CUX1: variants seen among roughly 807,000 people sequenced by gnomAD.
The protein encoded by CUX1 is protein CASP.
In CUX1, 31 loss-of-function variants were observed where a neutral mutation model predicts 158.8. That is an observed-to-expected ratio of 0.20 (90% CI 0.15 to 0.26). The LOEUF (loss-of-function observed/expected upper bound fraction) is 0.26, where lower values mean the gene tolerates loss of function less well. CUX1 is among the 10% of genes least tolerant of loss of function. The pLI, the probability that CUX1 is intolerant of heterozygous loss-of-function variation, is 1.00. For synonymous variants in CUX1, 879 were observed against 862.1 expected (o/e 1.02, Z -0.34); for missense variants, 1,589 against 2,014.6 (o/e 0.79, Z 4.04).
At chr7:101,995,841 G>A (rs1183032845) in intron 2 of CUX1, among the ~76,000 whole-genome samples, 5 of 151,944 alleles carry the variant, frequency 3.3e-5, no homozygotes, top group East Asian at 1.9e-4. Context: ...GACCGGCTGC[G>A]GTGGCTCACG....
At chr7:102,203,837 C>T (rs1232870247) in intron 18 of CUX1, among the ~76,000 whole-genome samples, 1 of 152,096 alleles carries the variant, frequency 6.6e-6, no homozygotes, top group African/African-American at 2.4e-5. Flanking sequence ...CACTCCCAGG[C>T]CGGCTCCCCA....
In CUX1 at chr7:101,817,654, C is replaced by CGGAGCCAGGTTGAAGGT. The variant is rs1562878841; in HGVS notation, c.17_30+3dup. ...CTGCCAGGTGGATGTTGTGCGTAGC[C>CGGAGCCAGGTTGAAGGT]GGAGCCAGGTTGAAGGTGAGCGGCG... On this transcript the variant is annotated frameshift_variant, in exon 1 of 24. Transcript: ENST00000292535. LOFTEE classifies it high-confidence loss of function. This position sits in a 1 kb window ranked among gnomAD's most constrained non-coding sequence, Gnocchi z 4.1. The CGGAGCCAGGTTGAAGGT allele has an allele frequency of 6.4e-7, 1 of 1,552,290 alleles. No individual in the cohort carries two copies. Among genetic ancestry groups the CGGAGCCAGGTTGAAGGT allele is most frequent in the African/African-American group, 1.4e-5 (1 of 73,302 alleles).
intron 16 of CUX1, chr7:102,274,413 A>G (rs1285262635): frequency 1.9e-6 from 2 of 1,037,936 alleles, no homozygotes; most frequent in Admixed American, 2.2e-5. Context: ...CCTTCCTCTA[A>G]GAAGGTCAGG....
rs1234588695 is a variant in CUX1, at chr7:102,248,849, G to GCAA, written c.4328_4330dup (p.Asn1443dup). The stretch of plus-strand genomic sequence containing the variant: ...GCCCCGAGCTCCGCGCCGCCGCCCA[G>GCAA]CAACAGCAGCAGCAGCAGCGCCCCC... On this transcript the variant is annotated inframe_insertion, in exon 24 of 24. Coordinates refer to ENST00000292535, the MANE Select transcript of CUX1 (RefSeq NM_181552.4). The surrounding 1 kb of genome is among the most constrained non-coding windows in gnomAD (Gnocchi z 5.8). The GCAA allele has an allele frequency of 7.9e-7, 1 of 1,264,440 alleles. No individual in the cohort carries two copies. Among genetic ancestry groups the GCAA allele is most frequent in the Non-Finnish European group, 1.0e-6 (1 of 998,706 alleles). 78.3% of individuals were successfully genotyped at this position (1,264,440 alleles called of 1,614,324 possible).
intron 8 of CUX1, among the ~76,000 whole-genome samples, chr7:102,152,630 G>A (rs1835813274): frequency 6.6e-6 from 1 of 152,220 alleles, no homozygotes; most frequent in African/African-American, 2.4e-5. Flanking sequence ...GACCTCAGGT[G>A]ATCCACCTGC....
intron 1 of CUX1, among the ~76,000 whole-genome samples, chr7:101,876,962 C>G (rs1799209117): frequency 6.6e-6 from 1 of 152,142 alleles, no homozygotes; most frequent in South Asian, 2.1e-4. Context: ...CACTACCACT[C>G]TGCACCACGT....
intron 1 of CUX1, among the ~76,000 whole-genome samples, chr7:101,915,120 C>T (rs749870133): frequency 3.9e-5 from 6 of 152,140 alleles, no homozygotes; most frequent in Non-Finnish European, 7.3e-5. Context: ...CCCAGCAGAA[C>T]GGGCCGCTGT....
At chr7:101,842,340 A>G (rs1795261757) in intron 1 of CUX1, among the ~76,000 whole-genome samples, 2 of 152,242 alleles carry the variant, frequency 1.3e-5, no homozygotes, top group African/African-American at 4.8e-5. Context: ...GGTATATGGA[A>G]TACATTCATG....
chr7:101,887,335 T>C (rs1327232093), intron 1 of CUX1, among the ~76,000 whole-genome samples: 1 of 152,058 alleles, frequency 6.6e-6, no homozygotes, highest in Non-Finnish European at 1.5e-5. Flanking sequence ...AGAAAGAGGA[T>C]CTTGCTCTGT....
At chr7:102,137,179 T>C (rs1833996598) in intron 8 of CUX1, among the ~76,000 whole-genome samples, 1 of 152,194 alleles carries the variant, frequency 6.6e-6, no homozygotes, top group Non-Finnish European at 1.5e-5. Flanking sequence ...CCTGTGTCCC[T>C]TTCCATGTTA....
intron 4 of CUX1, among the ~76,000 whole-genome samples, chr7:102,073,778 A>G (rs1826407649): frequency 6.6e-6 from 1 of 152,220 alleles, no homozygotes. Flanking sequence ...TATTATTACC[A>G]TAAGCATTTT....
intron 2 of CUX1, among the ~76,000 whole-genome samples, chr7:101,947,920 C>G (rs1808594212): frequency 6.6e-6 from 1 of 152,196 alleles, no homozygotes; most frequent in African/African-American, 2.4e-5. Flanking sequence ...TTCCTGAGGA[C>G]TATTGCTTAC....
chr7:102,075,350 G>A (rs1418158136), intron 4 of CUX1, among the ~76,000 whole-genome samples: 5 of 152,158 alleles, frequency 3.3e-5, no homozygotes, highest in African/African-American at 4.8e-5. Flanking sequence ...CTGTTGAGAC[G>A]CCACTTCCTG....
chr7:102,258,533 A>G (rs1554542846), downstream of CUX1, among the ~76,000 whole-genome samples: 1 of 152,218 alleles, frequency 6.6e-6, no homozygotes, highest in Non-Finnish European at 1.5e-5. Context: ...CCTTGAACCA[A>G]GCCCTTACCC....
intron 20 of CUX1, among the ~76,000 whole-genome samples, chr7:102,216,784 ACACACACTCTCCCACACACACCCC>A (rs1457193608): frequency 6.9e-5 from 3 of 43,566 alleles, no homozygotes; most frequent in Non-Finnish European, 1.9e-4. Context: ...ACTCTCCCAC[ACACACACTCTCCCACACACACCCC>A]CACACACACT....
chr7:102,105,543 A>C (rs1198391008), intron 6 of CUX1, among the ~76,000 whole-genome samples: 2 of 106,614 alleles, frequency 1.9e-5, no homozygotes, highest in African/African-American at 3.8e-5. Flanking sequence ...ACAGAGTTTC[A>C]CTCTCATTGC....
chr7:101,954,180 G>A (rs1418044356), intron 2 of CUX1, among the ~76,000 whole-genome samples: 1 of 152,080 alleles, frequency 6.6e-6, no homozygotes, highest in Non-Finnish European at 1.5e-5. Context: ...CATAACAAGA[G>A]CCCATCTCTA....
chr7:101,857,388 T>C (rs1308255923), intron 1 of CUX1, among the ~76,000 whole-genome samples: 4 of 152,258 alleles, frequency 2.6e-5, no homozygotes, highest in African/African-American at 9.6e-5. Flanking sequence ...ACATAAAATA[T>C]GTTTTCAGCA....
At chr7:101,857,126 A>G (rs1480192790) in intron 1 of CUX1, among the ~76,000 whole-genome samples, 3 of 152,082 alleles carry the variant, frequency 2.0e-5, no homozygotes, top group East Asian at 3.9e-4. Context: ...GGCCTGCGCC[A>G]TGTTCCTGCC....
Sources: gnomAD v4.1 joint callset for allele counts (sites outside exome capture counted in the v4.1 genomes callset) on GRCh38, gnomAD v4.1.1 for gene constraint, Gnocchi (gnomAD v3.1) non-coding constraint, MANE v1.5 for transcripts, NCBI Gene and HGNC (gene_info 2026-07-23, HGNC 2026-07-21) for gene names.